Variants in PDE10A observed in about 807,000 individuals in gnomAD.
PDE10A encodes phosphodiesterase 10A.
In PDE10A, 39 loss-of-function variants were observed where a neutral mutation model predicts 97.7. The observed-to-expected ratio is 0.40, with a 90% confidence interval of 0.31 to 0.52. The LOEUF (loss-of-function observed/expected upper bound fraction) is 0.52. Among genes scored for constraint, PDE10A ranks in the 20% least tolerant of loss-of-function variants. PDE10A has a pLI of 0.56. For synonymous variants in PDE10A, 371 were observed against 376.8 expected (o/e 0.98, Z 0.18); for missense variants, 731 against 1,047.8 (o/e 0.70, Z 4.17).
intron 1 of PDE10A, among the ~76,000 whole-genome samples, chr6:165,670,210 C>G (rs1790608846): frequency 6.6e-6 from 1 of 152,218 alleles, no homozygotes; most frequent in Non-Finnish European, 1.5e-5. Flanking sequence ...CCCAAAACGA[C>G]TGACAGCAGA....
chr6:165,562,862 G>A (rs1400944117), intron 1 of PDE10A, among the ~76,000 whole-genome samples: 3 of 152,046 alleles, frequency 2.0e-5, no homozygotes, highest in Non-Finnish European at 2.9e-5. Flanking sequence ...TATGGGTTTT[G>A]GTTGTCATAA....
chr6:165,921,235 G>A (rs980040986), intron 1 of PDE10A, among the ~76,000 whole-genome samples: 1 of 152,206 alleles, frequency 6.6e-6, no homozygotes, highest in African/African-American at 2.4e-5. Context: ...CCGGTAGACT[G>A]CATAGAAACA....
intron 3 of PDE10A, among the ~76,000 whole-genome samples, chr6:165,478,670 T>G (rs1186226118): frequency 2.6e-5 from 4 of 152,174 alleles, no homozygotes; most frequent in Admixed American, 6.5e-5. Context: ...AAAATCTACA[T>G]TCTGTAGAGA....
chr6:165,708,504 C>T (rs1186412550), intron 1 of PDE10A, among the ~76,000 whole-genome samples: 1 of 151,938 alleles, frequency 6.6e-6, no homozygotes, highest in Non-Finnish European at 1.5e-5. Flanking sequence ...ATTTATCAGG[C>T]TCCGCACTCT....
At chr6:165,803,505 T>G (rs998155403) in intron 1 of PDE10A, among the ~76,000 whole-genome samples, 1 of 152,180 alleles carries the variant, frequency 6.6e-6, no homozygotes, top group Non-Finnish European at 1.5e-5. Flanking sequence ...ATGCAAACCA[T>G]GTTCATGTCT....
chr6:165,855,902 T>C (rs1780720123), intron 1 of PDE10A, among the ~76,000 whole-genome samples: 1 of 152,184 alleles, frequency 6.6e-6, no homozygotes, highest in Non-Finnish European at 1.5e-5. Flanking sequence ...TTCTGCCACA[T>C]TTTCTGTGTG....
rs893929717 is a variant in PDE10A, at chr6:165,655,414, G to C, written c.865+6533C>G. Among the ~76,000 whole-genome samples the C allele has an allele frequency of 1.3e-5, 2 of 152,060 alleles. No individual in the cohort carries two copies. The highest frequency in any genetic ancestry group is 2.9e-5 in the Non-Finnish European group (2 of 67,996). On this transcript the variant is annotated intron_variant, in intron 1 of 21. Coordinates refer to ENST00000539869, the MANE Select transcript of PDE10A (RefSeq NM_001385079.1). The surrounding 1 kb of genome is among the most constrained non-coding windows in gnomAD (Gnocchi z 4.5). The stretch of plus-strand genomic sequence containing the variant: ...CTCCAGGCTTCCCATCCCAATCCCA[G>C]TGAACAGCCCCACCATTTACCCAAT...
intron 1 of PDE10A, among the ~76,000 whole-genome samples, chr6:165,951,109 A>G (rs887166037): frequency 1.3e-5 from 2 of 152,202 alleles, no homozygotes; most frequent in Non-Finnish European, 2.9e-5. Flanking sequence ...CAAGGTTGAA[A>G]TAAGCCACAC....
At chr6:165,498,652 A>G (rs1780693733) in intron 2 of PDE10A, among the ~76,000 whole-genome samples, 1 of 152,052 alleles carries the variant, frequency 6.6e-6, no homozygotes, top group African/African-American at 2.4e-5. Flanking sequence ...AAGTGTTAAT[A>G]GTAGAAGATC....
intron 13 of PDE10A, among the ~76,000 whole-genome samples, chr6:165,400,564 G>A (rs1214554449): frequency 1.3e-5 from 2 of 152,188 alleles, no homozygotes; most frequent in African/African-American, 2.4e-5. Context: ...CAAAGATGGT[G>A]TACAGATGAC....
chr6:165,345,147 G>A (rs374317773), intron 18 of PDE10A, among the ~76,000 whole-genome samples: 4 of 151,780 alleles, frequency 2.6e-5, no homozygotes, highest in Admixed American at 6.6e-5. Context: ...CCAAAATAAC[G>A]TATATCATGG....
rs543281275 is a variant in PDE10A, at chr6:165,776,311, A to G, written c.-615+211218T>C. On this transcript the variant is annotated intron_variant, in intron 1 of 19. Transcript: ENST00000366882. ...TAAGAAAATTTAAGAACATTAATAC[A>G]TAGTATTTCTGCTTCCCTTTTCTCC... 6.2e-4 allele frequency among the ~76,000 whole-genome samples: 94 copies of G among 152,378 alleles called. 1 individual carries two copies. Among genetic ancestry groups the G allele is most frequent in the Non-Finnish European group, 1.5e-5 (1 of 68,044 alleles).
At chr6:165,590,002 G>A (rs1267397684) in intron 1 of PDE10A, among the ~76,000 whole-genome samples, 1 of 152,188 alleles carries the variant, frequency 6.6e-6, no homozygotes, top group Non-Finnish European at 1.5e-5. Flanking sequence ...TATTATTTCA[G>A]TTTTTATCAC....
intron 1 of PDE10A, among the ~76,000 whole-genome samples, chr6:165,811,703 G>C (rs983313862): frequency 2.3e-4 from 35 of 152,166 alleles, no homozygotes; most frequent in African/African-American, 8.0e-4. Context: ...AGGCCGGGAG[G>C]GGGGCTCTGT....
Position 165,778,077 on chromosome 6 carries a change from T to A in PDE10A, c.-615+209452A>T, listed in dbSNP as rs74649440. Among the ~76,000 whole-genome samples, 421 of 152,304 alleles carry A rather than the reference T, an allele frequency of 2.8e-3. 7 individuals are homozygous for A. The East Asian group carries it at 0.052, about 19-fold the overall frequency. ...ACATGTTTATTTTCAATTTTTAATT[T>A]TTATTATTATTTTTTGAGACGGAGT... On this transcript the variant is annotated intron_variant, in intron 1 of 19. Transcript: ENST00000366882.
chr6:165,875,746 T>TTTTTTTTTTTTTTTTTTGTG (rs780504850), intron 1 of PDE10A, among the ~76,000 whole-genome samples: 1 of 147,072 alleles, frequency 6.8e-6, no homozygotes, highest in African/African-American at 2.6e-5. Context: ...TTTTTTTTTT[T>TTTTTTTTTTTTTTTTTTGTG]TGTGTGTGTG....
At chr6:165,871,219 T>C (rs1282380677) in intron 1 of PDE10A, among the ~76,000 whole-genome samples, 1 of 152,178 alleles carries the variant, frequency 6.6e-6, no homozygotes, top group Non-Finnish European at 1.5e-5. Flanking sequence ...ATATGTACAA[T>C]TACTATTTAT....
At chr6:165,642,729 A>G (rs1789196353) in intron 1 of PDE10A, among the ~76,000 whole-genome samples, 1 of 152,228 alleles carries the variant, frequency 6.6e-6, no homozygotes, top group South Asian at 2.1e-4. Context: ...TGAACGCTAC[A>G]CAGCCTAGGT....
chr6:165,500,782 G>T (rs1036579414), intron 2 of PDE10A, among the ~76,000 whole-genome samples: 1 of 152,048 alleles, frequency 6.6e-6, no homozygotes, highest in African/African-American at 2.4e-5. Flanking sequence ...GTCTCCAGGG[G>T]CAATAGAATG....
Sources: gnomAD v4.1 joint callset for allele counts (sites outside exome capture counted in the v4.1 genomes callset) on GRCh38, gnomAD v4.1.1 for gene constraint, Gnocchi (gnomAD v3.1) non-coding constraint, MANE v1.5 for transcripts, NCBI Gene and HGNC (gene_info 2026-07-23, HGNC 2026-07-21) for gene names.